The following DPP10 variants were observed in gnomAD, a reference collection of about 807,000 sequenced individuals.
DPP10 encodes dipeptidyl peptidase like 10.
A neutral mutation model predicts 120.9 loss-of-function variants in DPP10; 33 were observed. That is an observed-to-expected ratio of 0.27 (90% CI 0.21 to 0.37). The LOEUF is 0.37. DPP10 is among the 10% of genes least tolerant of loss of function. The pLI is 1.00. For missense variants in DPP10, 816 were observed against 942.8 expected, an observed-to-expected ratio of 0.87 and a Z score of 1.76; for synonymous variants, 337 against 326.1, an observed-to-expected ratio of 1.03 and a Z score of -0.36.
At chr2:114,458,779 C>CT (rs34386453) in intron 1 of DPP10, among the ~76,000 whole-genome samples, 2 of 152,216 alleles carry the variant, frequency 1.3e-5, no homozygotes, top group East Asian at 3.9e-4. Flanking sequence ...ATTATTACTA[C>CT]TTTTTTTGAG....
intron 5 of DPP10, chr2:115,580,054 T>C (rs1000115117): frequency 1.3e-5 from 2 of 152,180 alleles, no homozygotes; most frequent in Admixed American, 6.5e-5. Flanking sequence ...CTCCCACTTA[T>C]AAGTGAGACC....
chr2:115,446,947 G>GT (rs2072653755), intron 3 of DPP10, among the ~76,000 whole-genome samples: 1 of 152,144 alleles, frequency 6.6e-6, no homozygotes, highest in Non-Finnish European at 1.5e-5. Context: ...TAAAACAGTG[G>GT]TATTTGACCA....
At chr2:115,424,749 A>T (rs946557711) in intron 3 of DPP10, among the ~76,000 whole-genome samples, 1 of 152,204 alleles carries the variant, frequency 6.6e-6, no homozygotes, top group Admixed American at 6.5e-5. Context: ...ATGATGGAAC[A>T]TAGGTAGCTG....
chr2:114,626,138 C>A (rs527974737), intron 1 of DPP10, among the ~76,000 whole-genome samples: 1 of 151,582 alleles, frequency 6.6e-6, no homozygotes, highest in East Asian at 1.9e-4. Flanking sequence ...TTTTCAGCAA[C>A]ATAAATGTGA....
At chr2:115,276,743 A>T (rs192275447) in intron 1 of DPP10, among the ~76,000 whole-genome samples, 1 of 152,234 alleles carries the variant, frequency 6.6e-6, no homozygotes, top group East Asian at 1.9e-4. Context: ...TTTTGGCAAG[A>T]TCATCTTTTT....
chr2:114,830,257 T>C (rs1000011287), intron 1 of DPP10, among the ~76,000 whole-genome samples: 2 of 152,124 alleles, frequency 1.3e-5, no homozygotes, highest in Admixed American at 6.5e-5. Flanking sequence ...GTACCCCCCT[T>C]ACACTATCTC....
At chr2:114,630,919 A>T in intron 1 of DPP10, among the ~76,000 whole-genome samples, 1 of 152,020 alleles carries the variant, frequency 6.6e-6, no homozygotes, top group Non-Finnish European at 1.5e-5. Flanking sequence ...AACTATCTGG[A>T]ACATTTGATA....
At chr2:115,114,614 T>C (rs1299928353) in intron 1 of DPP10, among the ~76,000 whole-genome samples, 2 of 152,188 alleles carry the variant, frequency 1.3e-5, no homozygotes, top group African/African-American at 2.4e-5. Context: ...GCATTCAAGT[T>C]CTAACTCCAC....
intron 1 of DPP10, among the ~76,000 whole-genome samples, chr2:115,119,001 T>C (rs893392639): frequency 2.0e-5 from 3 of 151,752 alleles, no homozygotes; most frequent in Non-Finnish European, 4.4e-5. Context: ...AGGAAGAGGG[T>C]CAAGCAGGCA....
chr2:115,618,277 G>A (rs766511069), intron 5 of DPP10, among the ~76,000 whole-genome samples: 3 of 152,160 alleles, frequency 2.0e-5, no homozygotes, highest in African/African-American at 4.8e-5. Context: ...AAAAGGCATA[G>A]CATTTTATCT....
intron 7 of DPP10, among the ~76,000 whole-genome samples, chr2:115,710,755 A>G (rs1003751561): frequency 6.6e-6 from 1 of 152,136 alleles, no homozygotes; most frequent in Non-Finnish European, 1.5e-5. Flanking sequence ...AAAACCTAAG[A>G]TGTATTCGCT....
intron 1 of DPP10, among the ~76,000 whole-genome samples, chr2:114,568,981 G>A (rs1689419131): frequency 6.6e-6 from 1 of 152,116 alleles, no homozygotes; most frequent in Non-Finnish European, 1.5e-5. Context: ...AACTGTAGGA[G>A]GTTTTATATT....
chr2:115,269,338 TC>T (rs1406632732), intron 1 of DPP10, among the ~76,000 whole-genome samples: 1 of 152,232 alleles, frequency 6.6e-6, no homozygotes, highest in Non-Finnish European at 1.5e-5. Context: ...GTATTTGTTA[TC>T]TATTGCTCCA....
chr2:114,606,598 G>A (rs1029066590), intron 1 of DPP10, among the ~76,000 whole-genome samples: 1 of 152,144 alleles, frequency 6.6e-6, no homozygotes, highest in African/African-American at 2.4e-5. Context: ...GGGAATGACA[G>A]TCTGGAAGGG....
chr2:114,581,824 T>G (rs1246205969), intron 1 of DPP10, among the ~76,000 whole-genome samples: 1 of 152,220 alleles, frequency 6.6e-6, no homozygotes, highest in African/African-American at 2.4e-5. Context: ...AGTTTTAGGT[T>G]TACAGAAAAA....
intron 19 of DPP10, among the ~76,000 whole-genome samples, chr2:115,809,774 C>CT (rs1308284572): frequency 1.6e-4 from 24 of 152,202 alleles, no homozygotes; most frequent in Admixed American, 6.5e-5. Context: ...TTCTGCCATG[C>CT]TTTCAACTGG....
chr2:114,585,472 A>T (rs1351612528), intron 1 of DPP10, among the ~76,000 whole-genome samples: 1 of 152,152 alleles, frequency 6.6e-6, no homozygotes, highest in Non-Finnish European at 1.5e-5. Flanking sequence ...TTGGACTTTT[A>T]ATATCATTTG....
intron 1 of DPP10, among the ~76,000 whole-genome samples, chr2:115,034,256 A>G (rs183093843): frequency 6.6e-6 from 1 of 151,866 alleles, no homozygotes. Flanking sequence ...TTTTCTTTCT[A>G]TGTCAGTTCA....
At chr2:115,831,556 A>T (rs1463322222) in intron 21 of DPP10, among the ~76,000 whole-genome samples, 1 of 152,062 alleles carries the variant, frequency 6.6e-6, no homozygotes, top group Non-Finnish European at 1.5e-5. Flanking sequence ...CTCTTGTAAA[A>T]TCCCAGTCTG....
Sources: allele counts gnomAD v4.1 joint callset (sites outside exome capture counted in the v4.1 genomes callset), GRCh38; gene constraint gnomAD v4.1.1; transcripts MANE v1.5; gene names NCBI Gene and HGNC (gene_info 2026-07-23, HGNC 2026-07-21).